The following MTHFD1L variants were observed in gnomAD, a reference collection of about 807,000 sequenced individuals.
MTHFD1L encodes the protein methylenetetrahydrofolate dehydrogenase (NADP+ dependent) 1 like.
In MTHFD1L, 81 loss-of-function variants were observed where a neutral mutation model predicts 119.5. That is an observed-to-expected ratio of 0.68 (90% CI 0.57 to 0.82). The LOEUF is 0.82. MTHFD1L is among the 40% of genes least tolerant of loss of function. MTHFD1L has a pLI of 0.00. For missense variants in MTHFD1L, 1,125 were observed against 1,253.4 expected, an observed-to-expected ratio of 0.90 and a Z score of 1.55; for synonymous variants, 430 against 475.2, an observed-to-expected ratio of 0.90 and a Z score of 1.24.
intron 20 of MTHFD1L, among the ~76,000 whole-genome samples, chr6:151,002,658 A>G (rs1228481016): frequency 2.6e-5 from 4 of 152,244 alleles, no homozygotes; most frequent in African/African-American, 4.8e-5. Context: ...ACACATCCCA[A>G]CCACGCTGGA....
chr6:151,056,875 G>C (rs1790027766), intron 26 of MTHFD1L, among the ~76,000 whole-genome samples: 1 of 152,216 alleles, frequency 6.6e-6, no homozygotes, highest in African/African-American at 2.4e-5. Flanking sequence ...CTAAATGCCA[G>C]GCCTAGCACT....
rs141875909 is a variant in MTHFD1L at position 150,902,216 on chromosome 6, G to A, written c.781-3434G>A. On this transcript the variant is annotated intron_variant, in intron 7 of 27. Coordinates refer to ENST00000367321, the MANE Select transcript of MTHFD1L (RefSeq NM_015440.5). ...TTCCCCCATCTCTTTATATTCAGATGCTTGTCCCTCCAGCTTAAAAATTCA... is the reference window on the plus strand; with the variant it reads ...TTCCCCCATCTCTTTATATTCAGATACTTGTCCCTCCAGCTTAAAAATTCA... Among the ~76,000 whole-genome samples the A allele has an allele frequency of 3.1e-3, 474 of 152,204 alleles. 3 individuals are homozygous for A. The highest frequency in any genetic ancestry group is 0.011 in the African/African-American group (460 of 41,522).
At chr6:151,021,343 T>C (rs1350646549) in intron 24 of MTHFD1L, among the ~76,000 whole-genome samples, 1 of 151,460 alleles carries the variant, frequency 6.6e-6, no homozygotes, top group African/African-American at 2.4e-5. Context: ...AGGCCAGGAG[T>C]TCGAGACCAG....
At chr6:151,036,067 T>TA (rs1786117679) in intron 25 of MTHFD1L, among the ~76,000 whole-genome samples, 1 of 152,196 alleles carries the variant, frequency 6.6e-6, no homozygotes, top group African/African-American at 2.4e-5. Flanking sequence ...GGCTAAGTCT[T>TA]ATGAAAATTT....
At chr6:150,958,872 T>A (rs76140939) in intron 17 of MTHFD1L, among the ~76,000 whole-genome samples, 1,628 of 152,346 alleles carry the variant, frequency 0.011, 39 homozygotes, top group African/African-American at 0.037. Flanking sequence ...TCATTTTTTT[T>A]ATGCTCAAGA....
At chr6:150,966,805 C>A (rs1287579841) in intron 19 of MTHFD1L, among the ~76,000 whole-genome samples, 2 of 152,148 alleles carry the variant, frequency 1.3e-5, no homozygotes, top group Admixed American at 6.5e-5. Context: ...GCCTGGGCGA[C>A]AGAGTGAGCC....
chr6:150,954,205 C>T (rs909540356), intron 16 of MTHFD1L, among the ~76,000 whole-genome samples: 2 of 152,196 alleles, frequency 1.3e-5, no homozygotes, highest in Non-Finnish European at 2.9e-5. Context: ...TCACCATTTT[C>T]ATAAGTGCTG....
intron 26 of MTHFD1L, chr6:151,054,857 G>C (rs1789635308): frequency 6.6e-6 from 1 of 152,334 alleles, no homozygotes; most frequent in African/African-American, 2.4e-5. Flanking sequence ...GAGAAATAGT[G>C]TGTTGAGTGG....
At chr6:150,903,485 C>T (rs930931458) in intron 7 of MTHFD1L, among the ~76,000 whole-genome samples, 1 of 152,116 alleles carries the variant, frequency 6.6e-6, no homozygotes, top group South Asian at 2.1e-4. Context: ...GGCTCGATCA[C>T]AGCTCACTGC....
intron 20 of MTHFD1L, among the ~76,000 whole-genome samples, chr6:150,993,715 G>C (rs1779358547): frequency 6.6e-6 from 1 of 152,086 alleles, no homozygotes; most frequent in Admixed American, 6.6e-5. Flanking sequence ...GATTTCTGCT[G>C]TCTTGATTTA....
At chr6:151,042,507 GGT>G in intron 26 of MTHFD1L, among the ~76,000 whole-genome samples, 1 of 152,230 alleles carries the variant, frequency 6.6e-6, no homozygotes, top group South Asian at 2.1e-4. Context: ...CAAGGATTAT[GGT>G]TTATAGAGTT....
chr6:151,045,584 A>T (rs1787874402), intron 26 of MTHFD1L, among the ~76,000 whole-genome samples: 1 of 152,072 alleles, frequency 6.6e-6, no homozygotes, highest in South Asian at 2.1e-4. Flanking sequence ...GGTTTGGCTC[A>T]TGCTCTGCCG....
chr6:151,055,583 A>G (rs1789781822), intron 26 of MTHFD1L, among the ~76,000 whole-genome samples: 1 of 149,448 alleles, frequency 6.7e-6, no homozygotes, highest in African/African-American at 2.5e-5. Flanking sequence ...GCTGGAGTGC[A>G]GTGGCGCGAT....
chr6:150,965,120 G>T, intron 19 of MTHFD1L, 83 bp downstream of exon 19: 1 of 1,217,904 alleles, frequency 8.2e-7, no homozygotes, highest in Non-Finnish European at 1.2e-6. Flanking sequence ...ATATGAGGCA[G>T]GCATAGAGCA....
intron 1 of MTHFD1L, among the ~76,000 whole-genome samples, chr6:150,872,471 G>T (rs748897833): frequency 1.6e-4 from 25 of 152,280 alleles, no homozygotes; most frequent in Non-Finnish European, 3.1e-4. Context: ...AGAGGAGAGG[G>T]AGAGAGAAGG....
intron 4 of MTHFD1L, among the ~76,000 whole-genome samples, chr6:150,881,169 A>G (rs1292052990): frequency 2.6e-5 from 4 of 152,160 alleles, no homozygotes; most frequent in African/African-American, 9.7e-5. Flanking sequence ...GTCCAGACCA[A>G]TGTCATGAAG....
chr6:151,085,056 T>G (rs1297691430), intron 26 of MTHFD1L, among the ~76,000 whole-genome samples: 1 of 149,064 alleles, frequency 6.7e-6, no homozygotes, highest in African/African-American at 2.5e-5. Flanking sequence ...ATAAGCACAT[T>G]GTTTATATAG....
intron 10 of MTHFD1L, among the ~76,000 whole-genome samples, chr6:150,923,518 T>G (rs1318665189): frequency 2.7e-5 from 3 of 111,218 alleles, no homozygotes; most frequent in Non-Finnish European, 5.1e-5. Context: ...ACTTTATTTA[T>G]TTATTTATTT....
intron 7 of MTHFD1L, among the ~76,000 whole-genome samples, chr6:150,892,770 T>G (rs62432683): frequency 0.16 from 23,983 of 152,168 alleles, 2,710 homozygotes; most frequent in African/African-American, 0.32. Context: ...GCCTGACGTT[T>G]GAATTGTCAC....
Sources: allele counts gnomAD v4.1 joint callset (sites outside exome capture counted in the v4.1 genomes callset), GRCh38; gene constraint gnomAD v4.1.1; transcripts MANE v1.5; gene names NCBI Gene and HGNC (gene_info 2026-07-23, HGNC 2026-07-21).